The following CNTN5 variants were observed in gnomAD, a reference collection of about 807,000 sequenced individuals.
CNTN5 encodes contactin 5.
CNTN5 carries 77 observed loss-of-function variants against 129.1 expected under a neutral mutation model. The ratio of observed to expected loss-of-function variants is 0.60; its 90% CI spans 0.50 to 0.72. The LOEUF is 0.72. Among genes scored for constraint, CNTN5 ranks in the 30% least tolerant of loss-of-function variants. The pLI, the probability that CNTN5 is intolerant of heterozygous loss-of-function variation, is 0.00. For missense variants in CNTN5, 1,478 were observed against 1,328.8 expected (o/e 1.11, Z -1.75); for synonymous variants, 509 against 465.6 (o/e 1.09, Z -1.20).
At chr11:99,343,242 C>G (rs567857679) in intron 2 of CNTN5, among the ~76,000 whole-genome samples, 1 of 152,248 alleles carries the variant, frequency 6.6e-6, no homozygotes, top group South Asian at 2.1e-4. Flanking sequence ...TAGACAGACA[C>G]AATATGTATG....
chr11:99,068,626 C>A (rs1865205125), intron 1 of CNTN5, among the ~76,000 whole-genome samples: 1 of 152,174 alleles, frequency 6.6e-6, no homozygotes, highest in Non-Finnish European at 1.5e-5. Flanking sequence ...GCATTTCATT[C>A]TCAAAGCTGC....
intron 1 of CNTN5, among the ~76,000 whole-genome samples, chr11:99,166,905 A>T (rs1565371279): frequency 2.0e-5 from 3 of 152,084 alleles, no homozygotes; most frequent in African/African-American, 2.4e-5. Flanking sequence ...AACAGCCTTA[A>T]TGATTTTAAA....
intron 4 of CNTN5, among the ~76,000 whole-genome samples, chr11:99,838,159 C>G (rs1160494176): frequency 1.3e-5 from 2 of 151,986 alleles, no homozygotes; most frequent in African/African-American, 4.8e-5. Flanking sequence ...TTAAGATGAA[C>G]TTTATCTTCA....
intron 1 of CNTN5, among the ~76,000 whole-genome samples, chr11:99,107,123 A>C (rs1322630641): frequency 6.6e-6 from 1 of 152,112 alleles, no homozygotes; most frequent in Non-Finnish European, 1.5e-5. Context: ...AACTCATAAA[A>C]CTATATAGAT....
At chr11:99,119,316 C>T (rs1194611031) in intron 1 of CNTN5, among the ~76,000 whole-genome samples, 1 of 152,052 alleles carries the variant, frequency 6.6e-6, no homozygotes, top group Non-Finnish European at 1.5e-5. Context: ...TTCAAGTAGG[C>T]CACAGTGTCT....
chr11:99,486,218 T>C (rs1182966052), intron 2 of CNTN5, among the ~76,000 whole-genome samples: 1 of 152,128 alleles, frequency 6.6e-6, no homozygotes, highest in Non-Finnish European at 1.5e-5. Context: ...AGTTGATGTC[T>C]TTCATAGAGC....
At chr11:100,152,155 T>G (rs1947084511) in intron 13 of CNTN5, among the ~76,000 whole-genome samples, 1 of 152,178 alleles carries the variant, frequency 6.6e-6, no homozygotes, top group Non-Finnish European at 1.5e-5. Context: ...TGTTGTGACT[T>G]CTACAGCGAC....
chr11:99,566,664 C>T (rs1169684763), intron 3 of CNTN5, among the ~76,000 whole-genome samples: 1 of 152,084 alleles, frequency 6.6e-6, no homozygotes, highest in East Asian at 1.9e-4. Context: ...TATATGAAGT[C>T]ATTAATATGA....
chr11:99,640,912 T>C (rs530597607), intron 3 of CNTN5, among the ~76,000 whole-genome samples: 2 of 152,330 alleles, frequency 1.3e-5, no homozygotes, highest in African/African-American at 4.8e-5. Flanking sequence ...TTCTCAAAGA[T>C]TTGGTCTCTT....
At chr11:99,479,700 C>T (rs1029897478) in intron 2 of CNTN5, among the ~76,000 whole-genome samples, 24 of 151,932 alleles carry the variant, frequency 1.6e-4, no homozygotes, top group Non-Finnish European at 2.2e-4. Context: ...GGAACAGGCT[C>T]CGGTTCTCTA....
intron 13 of CNTN5, among the ~76,000 whole-genome samples, chr11:100,105,673 TA>T: frequency 6.6e-6 from 1 of 152,300 alleles, no homozygotes; most frequent in African/African-American, 2.4e-5. Context: ...TGTGGTCTCC[TA>T]GTCCTTTTCC....
chr11:100,067,262 T>C (rs893765351), intron 10 of CNTN5, among the ~76,000 whole-genome samples: 1 of 152,116 alleles, frequency 6.6e-6, no homozygotes, highest in Non-Finnish European at 1.5e-5. Flanking sequence ...CTTAACTTCA[T>C]TGTAACACAA....
At chr11:99,728,421 A>G (rs1943423547) in intron 3 of CNTN5, among the ~76,000 whole-genome samples, 1 of 152,178 alleles carries the variant, frequency 6.6e-6, no homozygotes, top group Non-Finnish European at 1.5e-5. Context: ...GGTAACAAAG[A>G]CAAGAGTAGC....
intron 2 of CNTN5, among the ~76,000 whole-genome samples, chr11:99,517,962 A>C (rs958391926): frequency 6.6e-6 from 1 of 152,128 alleles, no homozygotes. Context: ...TTGTAAAGGA[A>C]TGATATTGGA....
intron 1 of CNTN5, among the ~76,000 whole-genome samples, chr11:99,322,161 A>AACT (rs1228473491): frequency 1.3e-5 from 2 of 152,120 alleles, no homozygotes; most frequent in African/African-American, 4.8e-5. Context: ...TGGAGGCTAG[A>AACT]AGTTCAATAT....
intron 1 of CNTN5, among the ~76,000 whole-genome samples, chr11:99,191,697 A>C (rs866229680): frequency 6.6e-6 from 1 of 151,870 alleles, no homozygotes; most frequent in Non-Finnish European, 1.5e-5. Context: ...ACAATTAAAC[A>C]ACATGTTTCT....
At chr11:100,321,712 A>C (rs1488803439) in intron 21 of CNTN5, among the ~76,000 whole-genome samples, 1 of 152,056 alleles carries the variant, frequency 6.6e-6, no homozygotes, top group Non-Finnish European at 1.5e-5. Flanking sequence ...TATTGTGTTG[A>C]GGTACTTTTC....
intron 2 of CNTN5, among the ~76,000 whole-genome samples, chr11:99,503,816 A>C (rs1292147611): frequency 1.3e-5 from 2 of 152,062 alleles, no homozygotes; most frequent in Admixed American, 6.6e-5. Context: ...ATTGTACCTC[A>C]TTTCTCCTTT....
intron 15 of CNTN5, among the ~76,000 whole-genome samples, chr11:100,202,878 T>C (rs1020327454): frequency 1.3e-5 from 2 of 151,966 alleles, no homozygotes; most frequent in African/African-American, 2.4e-5. Context: ...TCACTTGGGC[T>C]TCCTTGAACT....
Sources: allele counts gnomAD v4.1 joint callset (sites outside exome capture counted in the v4.1 genomes callset), GRCh38; gene constraint gnomAD v4.1.1; transcripts MANE v1.5; gene names NCBI Gene and HGNC (gene_info 2026-07-23, HGNC 2026-07-21).